Variants in KCND2 observed in about 807,000 individuals in gnomAD.
KCND2 encodes A-type voltage-gated potassium channel KCND2.
In KCND2, 16 loss-of-function variants were observed where a neutral mutation model predicts 54.4. That is an observed-to-expected ratio of 0.29 (90% CI 0.20 to 0.45). The LOEUF (loss-of-function observed/expected upper bound fraction) is 0.45. Among genes scored for constraint, KCND2 ranks in the 20% least tolerant of loss-of-function variants. The probability of loss-of-function intolerance (pLI) is 1.00; values close to 1 mark genes in which losing one functional copy is unlikely to be tolerated. For missense variants in KCND2, 486 were observed against 824.2 expected, an observed-to-expected ratio of 0.59 and a Z score of 5.02; for synonymous variants, 317 against 310.7, an observed-to-expected ratio of 1.02 and a Z score of -0.21.
At chr7:120,399,751 A>C (rs1286793719) in intron 1 of KCND2, among the ~76,000 whole-genome samples, 1 of 150,672 alleles carries the variant, frequency 6.6e-6, no homozygotes, top group Non-Finnish European at 1.5e-5. Flanking sequence ...TTTGAAACAG[A>C]ATCTCCTTGT....
intron 1 of KCND2, among the ~76,000 whole-genome samples, chr7:120,520,725 AG>A (rs1791680467): frequency 6.6e-6 from 1 of 152,080 alleles, no homozygotes; most frequent in Non-Finnish European, 1.5e-5. Flanking sequence ...GATGAAATAG[AG>A]ACAGACAGAC....
intron 1 of KCND2, among the ~76,000 whole-genome samples, chr7:120,529,764 A>C (rs1791820582): frequency 6.6e-6 from 1 of 152,110 alleles, no homozygotes; most frequent in Non-Finnish European, 1.5e-5. Context: ...GACTAGCCTC[A>C]AAAAGGAGTC....
At chr7:120,585,800 C>A (rs899737516) in intron 1 of KCND2, among the ~76,000 whole-genome samples, 2 of 152,106 alleles carry the variant, frequency 1.3e-5, no homozygotes, top group Admixed American at 1.3e-4. Flanking sequence ...AATATTTGAA[C>A]GCAATGATAA....
intron 1 of KCND2, among the ~76,000 whole-genome samples, chr7:120,537,614 C>G (rs1307534097): frequency 6.6e-6 from 1 of 152,202 alleles, no homozygotes; most frequent in African/African-American, 2.4e-5. Context: ...CTTAGTGTAG[C>G]TACCTTCATC....
intron 1 of KCND2, among the ~76,000 whole-genome samples, chr7:120,713,586 T>A (rs1043158953): frequency 5.3e-5 from 8 of 152,112 alleles, no homozygotes; most frequent in African/African-American, 1.9e-4. Flanking sequence ...CTTAGCAAAA[T>A]TCAAGCAGGG....
At chr7:120,588,467 A>G (rs936837783) in intron 1 of KCND2, among the ~76,000 whole-genome samples, 1 of 149,156 alleles carries the variant, frequency 6.7e-6, no homozygotes, top group Non-Finnish European at 1.5e-5. Context: ...TGCTCAGACA[A>G]GAATCTAGGA....
chr7:120,739,799 A>ACTCT (rs1491201947), intron 2 of KCND2, among the ~76,000 whole-genome samples: 1 of 59,524 alleles, frequency 1.7e-5, no homozygotes, highest in Non-Finnish European at 2.9e-5. Context: ...AACAAAAGAA[A>ACTCT]CACACACACA....
At chr7:120,492,902 C>T (rs181521273) in intron 1 of KCND2, among the ~76,000 whole-genome samples, 14 of 152,012 alleles carry the variant, frequency 9.2e-5, no homozygotes, top group African/African-American at 3.1e-4. Flanking sequence ...AAGTGAAAAA[C>T]AGAATGGTTG....
chr7:120,572,132 T>C (rs1250252885), intron 1 of KCND2, among the ~76,000 whole-genome samples: 1 of 152,092 alleles, frequency 6.6e-6, no homozygotes, highest in African/African-American at 2.4e-5. Context: ...GTCAGAAGCC[T>C]AGGATGGAGC....
rs955078893 is a variant in KCND2 at position 120,273,312 on chromosome 7, C to A, written c.-1321C>A. Among the ~76,000 whole-genome samples, 5 of 150,828 alleles carry A rather than the reference C, an allele frequency of 3.3e-5. No individual in the cohort carries two copies. Among genetic ancestry groups the A allele is most frequent in the African/African-American group, 1.2e-4 (5 of 41,314 alleles). On this transcript the variant is annotated 5_prime_UTR_variant, in exon 1 of 6. Transcript: ENST00000331113. The stretch of plus-strand genomic sequence containing the variant: ...GCGGGGAAGCAGCTAGCAGCCCTCC[C>A]GCGCCCCCGCGCTGCCGAGCGCCTT...
intron 1 of KCND2, among the ~76,000 whole-genome samples, chr7:120,704,150 A>G (rs1792436851): frequency 6.6e-6 from 1 of 152,210 alleles, no homozygotes; most frequent in South Asian, 2.1e-4. Context: ...TGAGTGCAAA[A>G]GTCCAGATAA....
intron 1 of KCND2, among the ~76,000 whole-genome samples, chr7:120,592,431 A>G (rs972321361): frequency 1.3e-5 from 2 of 152,018 alleles, no homozygotes; most frequent in African/African-American, 2.4e-5. Flanking sequence ...CCAGCTACTC[A>G]GGAGGCTGAG....
intron 1 of KCND2, among the ~76,000 whole-genome samples, chr7:120,677,989 G>A (rs1273236940): frequency 6.6e-6 from 1 of 151,870 alleles, no homozygotes. Flanking sequence ...ATCCTTTATT[G>A]AGAACATAAT....
At chr7:120,508,010 A>T (rs1296721040) in intron 1 of KCND2, among the ~76,000 whole-genome samples, 2 of 151,668 alleles carry the variant, frequency 1.3e-5, no homozygotes, top group Non-Finnish European at 2.9e-5. Context: ...AGGTATTAAG[A>T]GTCTATATTG....
At chr7:120,407,656 G>T (rs972515522) in intron 1 of KCND2, among the ~76,000 whole-genome samples, 3 of 151,530 alleles carry the variant, frequency 2.0e-5, no homozygotes, top group Non-Finnish European at 4.4e-5. Flanking sequence ...TAACAGTCTG[G>T]TATGTAATAA....
chr7:120,640,353 T>A (rs1201591664), intron 1 of KCND2, among the ~76,000 whole-genome samples: 1 of 152,206 alleles, frequency 6.6e-6, no homozygotes, highest in African/African-American at 2.4e-5. Flanking sequence ...AAAGTAAATG[T>A]CAATAGGCTT....
chr7:120,391,433 G>C (rs1220171338), intron 1 of KCND2, among the ~76,000 whole-genome samples: 7 of 152,114 alleles, frequency 4.6e-5, no homozygotes, highest in African/African-American at 1.7e-4. Flanking sequence ...TATATACCCA[G>C]TAAGGGGAGT....
chr7:120,504,072 A>G (rs142967614), intron 1 of KCND2, among the ~76,000 whole-genome samples: 146 of 152,090 alleles, frequency 9.6e-4, no homozygotes, highest in African/African-American at 3.4e-3. Context: ...GATCTTCAAG[A>G]TCTGATTCTT....
intron 1 of KCND2, among the ~76,000 whole-genome samples, chr7:120,690,710 A>G (rs1490178175): frequency 6.6e-6 from 1 of 152,226 alleles, no homozygotes; most frequent in Non-Finnish European, 1.5e-5. Flanking sequence ...ATATTGATAA[A>G]TATTTATTGA....
Sources: gnomAD v4.1 joint callset for allele counts (sites outside exome capture counted in the v4.1 genomes callset) on GRCh38, gnomAD v4.1.1 for gene constraint, MANE v1.5 for transcripts, NCBI Gene and HGNC (gene_info 2026-07-23, HGNC 2026-07-21) for gene names.